EFCAB8: variants seen among roughly 807,000 people sequenced by gnomAD.
EFCAB8 encodes EF-hand calcium-binding domain-containing protein 8.
EFCAB8 carries 100 observed loss-of-function variants against 116.3 expected under a neutral mutation model. The observed-to-expected ratio is 0.86, with a 90% CI of 0.73 to 1.02. The LOEUF (loss-of-function observed/expected upper bound fraction) is 1.02. Among genes scored for constraint, EFCAB8 ranks in the 50% least tolerant of loss-of-function variants. The probability of loss-of-function intolerance (pLI) is 0.00; values close to 1 mark genes in which losing one functional copy is unlikely to be tolerated. For synonymous variants in EFCAB8, 558 were observed against 567.9 expected (o/e 0.98, Z 0.25); for missense variants, 1,320 against 1,416.9 (o/e 0.93, Z 1.10).
At position 32,885,585 on chromosome 20, in the gene EFCAB8, A is replaced by G. The variant is rs560763719; in HGVS notation, c.512A>G (p.Lys171Arg). Residue 171 changes from lysine to arginine, a missense_variant, in exon 6 of 27, where the codon AAA becomes AGA. Lys to Arg is a conservative substitution (Grantham distance 26). Transcript: ENST00000400522. ...ATCGGGTGTTTCCTGACTGTCACCA[A>G]AGACGGGATCCTGCAGTTCTGGTCT... is the stretch of plus-strand genomic sequence containing the variant. Reference protein sequence around the residue: ...KKIGCFLTVTKDGILQFWSES... With the variant: ...KKIGCFLTVTRDGILQFWSES... 1.9e-5 allele frequency: 29 copies of G among 1,551,772 alleles called. 1 individual carries two copies. The African/African-American group carries it at 2.9e-4, about 15-fold the overall frequency.
intron 22 of EFCAB8, among the ~76,000 whole-genome samples, chr20:32,939,203 C>CT (rs1555869214): frequency 1.2e-3 from 60 of 50,998 alleles, no homozygotes; most frequent in East Asian, 2.1e-3. Context: ...TTCTTTCTTT[C>CT]CTCTCTCTCT....
intron 5 of EFCAB8, among the ~76,000 whole-genome samples, chr20:32,879,481 T>G (rs1349929901): frequency 1.3e-5 from 2 of 152,198 alleles, no homozygotes; most frequent in Non-Finnish European, 2.9e-5. Flanking sequence ...TGAGGTTCAT[T>G]GGCAGGGACC....
chr20:32,947,146 A>G (rs1338045892), intron 23 of EFCAB8, among the ~76,000 whole-genome samples: 1 of 152,212 alleles, frequency 6.6e-6, no homozygotes, highest in African/African-American at 2.4e-5. Context: ...GCTGGGTTGT[A>G]TGGTAAGTGT....
Position 32,961,355 on chromosome 20 carries a change from G to C in EFCAB8, c.3613G>C (p.Val1205Leu), listed in dbSNP as rs1989145518. The C allele has an allele frequency of 6.8e-7, 1 of 1,471,946 alleles. No individual in the cohort carries two copies. The highest frequency in any genetic ancestry group is 1.4e-5 in the African/African-American group (1 of 70,232). The allele number at this position is 1,471,946 out of a possible 1,614,324, so 91.2% of individuals were successfully genotyped here. A position where few individuals can be genotyped will look rare whatever the true frequency, so the allele number is the denominator to read the frequency against. Residue 1205 changes from valine (V) to leucine (L), a missense_variant, in exon 27 of 27, where the codon GTC (valine) becomes CTC (leucine). Val to Leu is a conservative substitution (Grantham distance 32). Coordinates refer to ENST00000400522, the MANE Select transcript of EFCAB8 (RefSeq NM_001143967.2). ...CTCCTCCCCATCTTCCTTGTTATCT[G>C]TCACTGCCTCAGCCTCCAGGCTGCT... ...AASSPSSLLS[V>L]TASASRLLDS...
chr20:32,863,591 C>CT, intron 1 of EFCAB8, among the ~76,000 whole-genome samples, 192 bp from the exon 2 acceptor site: 1 of 152,300 alleles, frequency 6.6e-6, no homozygotes, highest in South Asian at 2.1e-4. Context: ...TTGGCAAAAG[C>CT]TTTTTGCTGG....
chr20:32,954,368 C>G (rs1011633177), intron 23 of EFCAB8, among the ~76,000 whole-genome samples: 3 of 152,162 alleles, frequency 2.0e-5, no homozygotes, highest in African/African-American at 7.2e-5. Flanking sequence ...TTTCCCAAAA[C>G]CATTTGTTGT....
chr20:32,885,348 G>C (rs2146201875), intron 5 of EFCAB8, among the ~76,000 whole-genome samples, 157 bp from the exon 6 acceptor site: 1 of 152,316 alleles, frequency 6.6e-6, no homozygotes, highest in East Asian at 1.9e-4. Context: ...GCTTGGAAGA[G>C]CCAGCTATGG....
intron 5 of EFCAB8, among the ~76,000 whole-genome samples, chr20:32,883,757 C>T (rs1985462478): frequency 6.6e-6 from 1 of 152,022 alleles, no homozygotes; most frequent in Admixed American, 6.6e-5. Flanking sequence ...GTGGCGCAAT[C>T]TTGGCTCAGT....
rs1214054673 is a variant in EFCAB8, at chr20:32,896,484, T to C, written c.914T>C (p.Leu305Pro). 1 of 719,030 alleles carries C rather than the reference T, an allele frequency of 1.4e-6. No homozygotes were observed. The highest frequency in any genetic ancestry group is 2.0e-5 in the Admixed American group (1 of 50,022). 44.5% of individuals were successfully genotyped at this position (719,030 alleles called of 1,614,324 possible). ...TGGATCAAAGTTTCCTTGCAGAAAC[T>C]CTTAAATGAGAAGTCTGCTTTGCAT... ...DHWIKVSLQK[L>P]LNEKSALHRS... The change falls in exon 10 of 27, where the codon CTC (leucine) becomes CCC (proline). Residue 305 changes from leucine (L) to proline (P), a missense_variant. Coordinates refer to ENST00000400522, the MANE Select transcript of EFCAB8 (RefSeq NM_001143967.2).
At chr20:32,952,801 A>G (rs916957836) in intron 23 of EFCAB8, among the ~76,000 whole-genome samples, 1 of 152,222 alleles carries the variant, frequency 6.6e-6, no homozygotes, top group African/African-American at 2.4e-5. Flanking sequence ...GTTAAAGAAC[A>G]TGTTGGGTAC....
chr20:32,918,533 T>C lies in EFCAB8; in HGVS notation c.2233T>C (p.Cys745Arg), dbSNP rs947733043. Residue 745 changes from cysteine to arginine, a missense_variant, in exon 19 of 27, where the codon TGC (cysteine) becomes CGC (arginine). Cys to Arg is a radical substitution (Grantham distance 180). Transcript: ENST00000400522. ...SLVSAPPVMR[C>R]PRDKEPDRPV... Reference sequence around the variant, plus strand: ...GGTGTCGGCTCCCCCAGTGATGCGGTGCCCGAGAGACAAGGAGCCAGACAG... The same window carrying C: ...GGTGTCGGCTCCCCCAGTGATGCGGCGCCCGAGAGACAAGGAGCCAGACAG... 1.3e-6 allele frequency: 2 copies of C among 1,551,556 alleles called. No homozygotes were observed. Among genetic ancestry groups the C allele is most frequent in the African/African-American group, 2.7e-5 (2 of 73,042 alleles).
intron 16 of EFCAB8, among the ~76,000 whole-genome samples, chr20:32,912,357 G>A (rs1986970128): frequency 2.0e-5 from 3 of 151,618 alleles, no homozygotes; most frequent in African/African-American, 4.8e-5. Flanking sequence ...AGGACAAGCC[G>A]GGAGGTGGAG....
intron 12 of EFCAB8, 58 bp downstream of exon 12, chr20:32,906,687 G>T: frequency 1.4e-6 from 1 of 717,850 alleles, no homozygotes. Context: ...GGGGATGGGG[G>T]GACCACCAGA....
At chr20:32,905,920 T>C (rs1397622423) in intron 11 of EFCAB8, among the ~76,000 whole-genome samples, 1 of 152,064 alleles carries the variant, frequency 6.6e-6, no homozygotes, top group Non-Finnish European at 1.5e-5. Context: ...GATGCCATAT[T>C]TTGGGGTAGC....
At chr20:32,886,855 G>A (rs1318310324) in intron 6 of EFCAB8, among the ~76,000 whole-genome samples, 2 of 152,206 alleles carry the variant, frequency 1.3e-5, no homozygotes, top group Non-Finnish European at 2.9e-5. Context: ...TCATGCAGAT[G>A]GAGACACCTC....
intron 2 of EFCAB8, among the ~76,000 whole-genome samples, chr20:32,866,192 G>A (rs749816544): frequency 2.6e-5 from 4 of 152,088 alleles, no homozygotes; most frequent in African/African-American, 7.2e-5. Context: ...GTGTGTAGAC[G>A]CTGGGCTAAT....
At position 32,893,256 on chromosome 20, in the gene EFCAB8, G is replaced by A. The variant is rs1986004584; in HGVS notation, c.841G>A (p.Gly281Arg). ...CTTCACCTCCGAAAACATGACCAGT[G>A]GGCTGTTCAACCCCCGTATCCTCCC... ...IVFTSENMTS[G>R]LFNPRILPRA... Residue 281 changes from glycine (G) to arginine (R), a missense_variant, in exon 9 of 27, where the codon GGG becomes AGG. Coordinates refer to ENST00000400522, the MANE Select transcript of EFCAB8 (RefSeq NM_001143967.2). The A allele has an allele frequency of 6.4e-7, 1 of 1,551,954 alleles. No homozygotes were observed. Among genetic ancestry groups the A allele is most frequent in the African/African-American group, 1.4e-5 (1 of 73,156 alleles).
intron 1 of EFCAB8, among the ~76,000 whole-genome samples, chr20:32,862,281 C>A (rs751616155): frequency 6.6e-6 from 1 of 152,046 alleles, no homozygotes; most frequent in Admixed American, 6.6e-5. Context: ...TAGGCATGTG[C>A]CACCACACCT....
At chr20:32,889,492 CT>C in intron 7 of EFCAB8, 86 bp downstream of exon 7, 1 of 1,325,310 alleles carries the variant, frequency 7.5e-7, no homozygotes, top group Non-Finnish European at 1.1e-6. Context: ...GGCTGAGCAA[CT>C]GTGAACATGG....
Sources: gnomAD v4.1 joint callset for allele counts (sites outside exome capture counted in the v4.1 genomes callset) on GRCh38, gnomAD v4.1.1 for gene constraint, MANE v1.5 for transcripts, NCBI Gene and HGNC (gene_info 2026-07-23, HGNC 2026-07-21) for gene names.